MYO3B: variants seen among roughly 807,000 people sequenced by gnomAD.
MYO3B encodes myosin-IIIb.
Under a neutral mutation model 174.6 loss-of-function variants are expected in MYO3B, and 156 were observed. The ratio of observed to expected loss-of-function variants is 0.89; its 90% confidence interval spans 0.78 to 1.02. The LOEUF (loss-of-function observed/expected upper bound fraction) is 1.02. Among genes scored for constraint, MYO3B ranks in the 50% least tolerant of loss-of-function variants. MYO3B has a pLI of 0.00. For missense variants in MYO3B, 1,632 were observed against 1,639.4 expected, an observed-to-expected ratio of 1.00 and a Z score of 0.08; for synonymous variants, 563 against 569.1, an observed-to-expected ratio of 0.99 and a Z score of 0.15.
intron 30 of MYO3B, among the ~76,000 whole-genome samples, chr2:170,531,607 T>C (rs1575123994): frequency 6.6e-6 from 1 of 152,348 alleles, no homozygotes; most frequent in East Asian, 1.9e-4. Flanking sequence ...GTTGTTGTTA[T>C]CTCTGAGGCA....
At chr2:170,479,918 A>G (rs533612836) in intron 25 of MYO3B, among the ~76,000 whole-genome samples, 1 of 148,538 alleles carries the variant, frequency 6.7e-6, no homozygotes, top group Non-Finnish European at 1.5e-5. Context: ...TATAGGTTTA[A>G]TATGTGTGTA....
intron 32 of MYO3B, among the ~76,000 whole-genome samples, chr2:170,633,043 C>A (rs906897228): frequency 6.6e-6 from 1 of 152,118 alleles, no homozygotes; most frequent in Non-Finnish European, 1.5e-5. Context: ...ACCAGAGGTA[C>A]AAGGAGGAGC....
intron 7 of MYO3B, among the ~76,000 whole-genome samples, chr2:170,322,419 T>C (rs2093835217): frequency 6.6e-6 from 1 of 152,196 alleles, no homozygotes; most frequent in Non-Finnish European, 1.5e-5. Context: ...ACCCGCAGCA[T>C]AATCCATTCA....
chr2:170,231,384 T>C (rs2105286604), intron 6 of MYO3B, among the ~76,000 whole-genome samples: 1 of 152,356 alleles, frequency 6.6e-6, no homozygotes, highest in East Asian at 1.9e-4. Flanking sequence ...GAAAAGTTTT[T>C]GGCAGCTAAG....
At chr2:170,444,685 T>C (rs1342664162) in intron 23 of MYO3B, among the ~76,000 whole-genome samples, 5 of 152,238 alleles carry the variant, frequency 3.3e-5, no homozygotes, top group South Asian at 2.1e-4. Context: ...TGTTGAATAG[T>C]ATTCCAAAAT....
At chr2:170,648,648 C>CTATATAATATATATTATATTT (rs1698566567) in intron 32 of MYO3B, among the ~76,000 whole-genome samples, 1 of 82,744 alleles carries the variant, frequency 1.2e-5, no homozygotes, top group Non-Finnish European at 2.0e-5. Context: ...ATATTATATT[C>CTATATAATATATATTATATTT]TATATAATAT....
chr2:170,348,664 G>A (rs1391686137), intron 8 of MYO3B: 2 of 152,146 alleles, frequency 1.3e-5, no homozygotes, highest in African/African-American at 4.8e-5. Context: ...TCTCCACATG[G>A]TGACATGGAT....
At chr2:170,469,036 T>A (rs1684811340) in intron 25 of MYO3B, among the ~76,000 whole-genome samples, 1 of 152,140 alleles carries the variant, frequency 6.6e-6, no homozygotes, top group Non-Finnish European at 1.5e-5. Flanking sequence ...CTTGGGAGGC[T>A]GAGCCAGGAG....
At chr2:170,393,165 C>A (rs1039443799) in intron 16 of MYO3B, among the ~76,000 whole-genome samples, 1 of 149,992 alleles carries the variant, frequency 6.7e-6, no homozygotes, top group Non-Finnish European at 1.5e-5. Context: ...CTCACTGCAA[C>A]TTCTGTCTCC....
chr2:170,310,565 G>A (rs2093731778), intron 7 of MYO3B, among the ~76,000 whole-genome samples: 1 of 146,598 alleles, frequency 6.8e-6, no homozygotes, highest in Non-Finnish European at 1.5e-5. Flanking sequence ...TTGGGAGGCT[G>A]AGGCAGGAGA....
At chr2:170,443,872 T>C in intron 22 of MYO3B, 95 bp from the exon 23 acceptor site, 1 of 991,536 alleles carries the variant, frequency 1.0e-6, no homozygotes, top group Admixed American at 2.4e-5. Context: ...GTTTTGAAAA[T>C]TCAGAAAAAT....
intron 28 of MYO3B, among the ~76,000 whole-genome samples, chr2:170,514,442 GC>G (rs1688171401): frequency 6.6e-6 from 1 of 152,198 alleles, no homozygotes; most frequent in African/African-American, 2.4e-5. Context: ...GAAGGGAGGG[GC>G]ACTTCCAAGA....
In MYO3B at chr2:170,576,532, T is replaced by C. The variant is rs895648731; in HGVS notation, c.3733+32544T>C. ...CTGTTGGGAGTCCAGTGGAGAGTCA[T>C]ATGGCAAAGAAGTATGATTTGTGGA... On this transcript the variant is annotated intron_variant, in intron 32 of 34. Coordinates refer to ENST00000408978, the MANE Select transcript of MYO3B (RefSeq NM_138995.5). 2.4e-4 allele frequency among the ~76,000 whole-genome samples: 36 copies of C among 152,204 alleles called. 1 individual carries two copies. The highest frequency in any genetic ancestry group is 2.3e-3 in the Admixed American group (35 of 15,284).
At chr2:170,619,698 C>T (rs1695730454) in intron 32 of MYO3B, among the ~76,000 whole-genome samples, 1 of 145,004 alleles carries the variant, frequency 6.9e-6, no homozygotes, top group Non-Finnish European at 1.5e-5. Context: ...TTTTTCAAAC[C>T]TCATCTCTAA....
chr2:170,270,893 A>G (rs967983206), intron 7 of MYO3B, among the ~76,000 whole-genome samples: 1 of 152,230 alleles, frequency 6.6e-6, no homozygotes, highest in Admixed American at 6.5e-5. Flanking sequence ...GATGGTAAAT[A>G]TGAGATAAAG....
intron 8 of MYO3B, among the ~76,000 whole-genome samples, chr2:170,352,134 G>A (rs558338456): frequency 3.1e-4 from 47 of 152,228 alleles, no homozygotes; most frequent in African/African-American, 1.1e-3. Context: ...TGTATTTTTA[G>A]TAGAGACGGG....
intron 30 of MYO3B, 69 bp from the exon 31 acceptor site, chr2:170,542,837 A>T (rs1690205832): frequency 5.9e-6 from 7 of 1,182,498 alleles, no homozygotes; most frequent in Admixed American, 2.1e-5. Context: ...GAAGAAAAAC[A>T]GTCCTCTCTA....
At chr2:170,339,226 A>C (rs1055374569) in intron 8 of MYO3B, among the ~76,000 whole-genome samples, 1 of 152,234 alleles carries the variant, frequency 6.6e-6, no homozygotes, top group Admixed American at 6.5e-5. Flanking sequence ...GTTTCTTTTA[A>C]CCTGAATTAT....
intron 30 of MYO3B, among the ~76,000 whole-genome samples, chr2:170,526,353 T>G (rs1688998228): frequency 1.3e-5 from 2 of 152,168 alleles, no homozygotes; most frequent in Non-Finnish European, 2.9e-5. Context: ...ATAATAGTAG[T>G]AATATTAGTA....
Sources: gnomAD v4.1 joint callset for allele counts (sites outside exome capture counted in the v4.1 genomes callset) on GRCh38, gnomAD v4.1.1 for gene constraint, MANE v1.5 for transcripts, NCBI Gene and HGNC (gene_info 2026-07-23, HGNC 2026-07-21) for gene names.